FCHSD2: variants seen among roughly 807,000 people sequenced by gnomAD.
FCHSD2 encodes FCH and double SH3 domains 2, also known as F-BAR and double SH3 domains protein 2.
A neutral mutation model predicts 108.1 loss-of-function variants in FCHSD2; 38 were observed. That is an observed-to-expected ratio of 0.35 (90% CI 0.27 to 0.46). The LOEUF (loss-of-function observed/expected upper bound fraction) is 0.46, where lower values mean the gene tolerates loss of function less well. Among genes scored for constraint, FCHSD2 ranks in the 20% least tolerant of loss-of-function variants. FCHSD2 has a pLI of 1.00. For synonymous variants in FCHSD2, 279 were observed against 314.7 expected, an observed-to-expected ratio of 0.89 and a Z score of 1.20; for missense variants, 751 against 897.8, an observed-to-expected ratio of 0.84 and a Z score of 2.09.
intron 14 of FCHSD2, among the ~76,000 whole-genome samples, chr11:72,844,054 C>G (rs958715810): frequency 1.3e-5 from 2 of 152,048 alleles, no homozygotes; most frequent in African/African-American, 4.8e-5. Flanking sequence ...AGTAGAGGAC[C>G]TGGGTTCCAA....
chr11:72,971,530 G>A (rs1857006453), intron 8 of FCHSD2, among the ~76,000 whole-genome samples: 1 of 152,158 alleles, frequency 6.6e-6, no homozygotes, highest in South Asian at 2.1e-4. Flanking sequence ...GAACAGGACT[G>A]GACACACTAC....
chr11:72,873,198 G>A (rs1013783770), intron 12 of FCHSD2, among the ~76,000 whole-genome samples: 10 of 151,828 alleles, frequency 6.6e-5, no homozygotes, highest in South Asian at 2.1e-4. Flanking sequence ...ACACGGTGGC[G>A]GGTGCCTGTA....
intron 3 of FCHSD2, among the ~76,000 whole-genome samples, chr11:73,030,921 G>A (rs78218814): frequency 0.019 from 2,886 of 151,798 alleles, 49 homozygotes; most frequent in African/African-American, 0.049. Context: ...CTATACTTGC[G>A]CGTCCTGAAT....
At chr11:73,062,877 C>A (rs1859201127) in intron 3 of FCHSD2, among the ~76,000 whole-genome samples, 1 of 152,116 alleles carries the variant, frequency 6.6e-6, no homozygotes, top group Non-Finnish European at 1.5e-5. Flanking sequence ...GCGTATTATC[C>A]AGGAGAACTT....
intron 13 of FCHSD2, among the ~76,000 whole-genome samples, chr11:72,863,181 C>G (rs1325759343): frequency 6.6e-6 from 1 of 151,880 alleles, no homozygotes; most frequent in Admixed American, 6.6e-5. Flanking sequence ...TCCTCCCACT[C>G]AGCCCAATGT....
chr11:72,840,622 T>C (rs1161840360), intron 19 of FCHSD2, among the ~76,000 whole-genome samples: 1 of 152,230 alleles, frequency 6.6e-6, no homozygotes, highest in African/African-American at 2.4e-5. Context: ...TGTTCTATTC[T>C]AAATCACTTT....
intron 3 of FCHSD2, among the ~76,000 whole-genome samples, chr11:73,018,583 CGATAA>C (rs1189695841): frequency 6.6e-6 from 1 of 150,952 alleles, no homozygotes; most frequent in African/African-American, 2.4e-5. Context: ...TAGTTGATAC[CGATAA>C]GATCCACTGA....
Position 73,131,703 on chromosome 11 carries a change from CA to C in FCHSD2, c.119+8327del, listed in dbSNP as rs1173232302. ...TAGGCAACAAACCAAGACTATGTCT[CA>C]AAAAAAAAAAAAAATTAAAAAATTT... On this transcript the variant is annotated intron_variant, in intron 2 of 19. Transcript: ENST00000409418. Among the ~76,000 whole-genome samples, 761 of 107,574 alleles carry C rather than the reference CA, an allele frequency of 7.1e-3. 3 individuals are homozygous for C. The highest frequency in any genetic ancestry group is 0.017 in the African/African-American group (480 of 28,918). The allele number at this position is 107,574 out of a possible 152,430, so 70.6% of individuals were successfully genotyped here.
intron 8 of FCHSD2, among the ~76,000 whole-genome samples, chr11:72,950,670 TA>T (rs984711787): frequency 2.0e-5 from 3 of 152,088 alleles, no homozygotes; most frequent in Admixed American, 6.6e-5. Flanking sequence ...TTTCCCTTTT[TA>T]AAACTGAATT....
intron 2 of FCHSD2, among the ~76,000 whole-genome samples, chr11:73,117,738 A>C (rs1403265829): frequency 1.3e-5 from 2 of 152,226 alleles, no homozygotes; most frequent in African/African-American, 2.4e-5. Context: ...AGCCGCCATT[A>C]GATTCTGCCA....
intron 12 of FCHSD2, among the ~76,000 whole-genome samples, chr11:72,878,008 A>T (rs1298289302): frequency 3.3e-5 from 5 of 152,204 alleles, no homozygotes; most frequent in Non-Finnish European, 5.9e-5. Flanking sequence ...AAATTTTTTT[A>T]AATATATAAA....
At chr11:73,105,751 CTAAT>C (rs1431101176) in intron 2 of FCHSD2, among the ~76,000 whole-genome samples, 6 of 152,006 alleles carry the variant, frequency 3.9e-5, no homozygotes, top group Non-Finnish European at 7.4e-5. Context: ...TCAAATTATA[CTAAT>C]TATTTTTAAG....
At chr11:72,996,711 G>A (rs1345770969) in intron 5 of FCHSD2, among the ~76,000 whole-genome samples, 2 of 152,036 alleles carry the variant, frequency 1.3e-5, no homozygotes, top group Non-Finnish European at 2.9e-5. Flanking sequence ...AGTCAGATTG[G>A]TTCTGATCAT....
At chr11:73,131,624 A>G (rs994374888) in intron 2 of FCHSD2, among the ~76,000 whole-genome samples, 2 of 151,916 alleles carry the variant, frequency 1.3e-5, no homozygotes, top group African/African-American at 4.8e-5. Flanking sequence ...GGATCGCTTG[A>G]GTCTGGAAGG....
At chr11:73,127,913 T>C (rs942541754) in intron 2 of FCHSD2, among the ~76,000 whole-genome samples, 12 of 148,832 alleles carry the variant, frequency 8.1e-5, no homozygotes, top group Middle Eastern at 3.5e-3. Flanking sequence ...CTGGCCAACA[T>C]AGTGAAGCAC....
chr11:72,907,109 T>C (rs929510820), intron 9 of FCHSD2, among the ~76,000 whole-genome samples: 2 of 152,182 alleles, frequency 1.3e-5, no homozygotes, highest in East Asian at 1.9e-4. Context: ...TTTGTAGTAA[T>C]TGTGAATGGG....
chr11:72,889,830 C>T lies in FCHSD2; in HGVS notation c.1040G>A (p.Arg347Gln), dbSNP rs1283419020. Reference sequence around the variant, plus strand: ...ACTAGGACTTTCTCTTACACTTACCCGTTGTTGGTGAACAATGTTTTTATG... The same window carrying T: ...ACTAGGACTTTCTCTTACACTTACCTGTTGTTGGTGAACAATGTTTTTATG... Reference protein sequence around the residue: ...REHKNIVHQQRVLNDLECHGA... With the variant: ...REHKNIVHQQQVLNDLECHGA... The change falls in exon 11 of 20, where the codon CGG becomes CAG. Residue 347 changes from arginine (R) to glutamine (Q), a missense_variant and splice_region_variant. By Grantham distance (43) the Arg-to-Gln change is conservative. Coordinates refer to ENST00000409418, the MANE Select transcript of FCHSD2 (RefSeq NM_014824.3). 27 of 1,584,760 alleles carry T rather than the reference C, an allele frequency of 1.7e-5. No homozygotes were observed. The highest frequency in any genetic ancestry group is 5.4e-5 in the African/African-American group (4 of 74,400).
chr11:73,046,623 T>C (rs982376800), intron 3 of FCHSD2, among the ~76,000 whole-genome samples: 4 of 152,200 alleles, frequency 2.6e-5, no homozygotes, highest in Non-Finnish European at 5.9e-5. Context: ...CCTACTAATA[T>C]CTATTAAAAT....
At chr11:72,852,898 C>T (rs1243314034) in intron 13 of FCHSD2, among the ~76,000 whole-genome samples, 1 of 151,992 alleles carries the variant, frequency 6.6e-6, no homozygotes, top group African/African-American at 2.4e-5. Flanking sequence ...AAGAGAAAAC[C>T]AAATACTGCA....
Sources: allele counts gnomAD v4.1 joint callset (sites outside exome capture counted in the v4.1 genomes callset), GRCh38; gene constraint gnomAD v4.1.1; transcripts MANE v1.5; gene names NCBI Gene and HGNC (gene_info 2026-07-23, HGNC 2026-07-21).